The following PCDHGA1 variants were observed in gnomAD, a reference collection of about 807,000 sequenced individuals.
PCDHGA1 encodes protocadherin gamma subfamily A, 1, also known as protocadherin gamma-A1.
In PCDHGA1, 32 loss-of-function variants were observed where a neutral mutation model predicts 58.0. The observed-to-expected ratio is 0.55, with a 90% CI of 0.42 to 0.74. The LOEUF is 0.74. Among genes scored for constraint, PCDHGA1 ranks in the 30% least tolerant of loss-of-function variants. PCDHGA1 has a pLI of 0.00. For synonymous variants in PCDHGA1, 498 were observed against 501.1 expected (o/e 0.99, Z 0.08); for missense variants, 1,205 against 1,182.3 (o/e 1.02, Z -0.28).
Position 141,432,097 on chromosome 5 carries a change from C to T in PCDHGA1, c.2422-62710C>T, listed in dbSNP as rs1428283489. The stretch of plus-strand genomic sequence containing the variant: ...TCTCGCTGAACGTGGCAGACACCAA[C>T]GACAACCCGCCGGTCTTCCCTCAGG... On this transcript the variant is annotated intron_variant, in intron 1 of 3. Transcript: ENST00000517417. This position sits in a 1 kb window ranked among gnomAD's most constrained non-coding sequence, Gnocchi z 6.0. 6 of 1,614,066 alleles carry T rather than the reference C, an allele frequency of 3.7e-6. No individual in the cohort carries two copies. The highest frequency in any genetic ancestry group is 2.7e-5 in the African/African-American group (2 of 74,920).
At chr5:141,339,390 T>TA (rs1177858369) in intron 1 of PCDHGA1, 1 of 1,614,180 alleles carries the variant, frequency 6.2e-7, no homozygotes, top group South Asian at 1.1e-5. Flanking sequence ...GAACTGGAGC[T>TA]AAAAATCAGT....
At chr5:141,391,149 G>C (rs1487749660) in intron 1 of PCDHGA1, 1 of 152,032 alleles carries the variant, frequency 6.6e-6, no homozygotes, top group Non-Finnish European at 1.5e-5. Context: ...CTCTAGGAAA[G>C]AAATATAGTC....
rs1414952952 is a variant in PCDHGA1 at position 141,344,292 on chromosome 5, G to C, written c.2421+11187G>C. The C allele has an allele frequency of 1.2e-6, 2 of 1,614,092 alleles. No individual in the cohort carries two copies. Among genetic ancestry groups the C allele is most frequent in the East Asian group, 4.5e-5 (2 of 44,882 alleles). ...TCCGCAAAGCGGCAGCTTGGTCACCGCGGAGAGGATAGACCGGGAGGAGCT... is the reference window on the plus strand; with the variant it reads ...TCCGCAAAGCGGCAGCTTGGTCACCCCGGAGAGGATAGACCGGGAGGAGCT... On this transcript the variant is annotated intron_variant, in intron 1 of 3. Coordinates refer to ENST00000517417, the MANE Select transcript of PCDHGA1 (RefSeq NM_018912.3).
intron 1 of PCDHGA1, chr5:141,376,018 C>T (rs761668305): frequency 9.9e-6 from 16 of 1,613,312 alleles, no homozygotes; most frequent in Admixed American, 5.0e-5. Flanking sequence ...TAGTGGTGGC[C>T]GTCCAGGACC....
At chr5:141,357,490 C>T in intron 1 of PCDHGA1, 1 of 1,614,218 alleles carries the variant, frequency 6.2e-7, no homozygotes, top group Non-Finnish European at 8.5e-7. Flanking sequence ...CGCGGACTCG[C>T]GGAAGAGTCA....
At position 141,375,721 on chromosome 5, in the gene PCDHGA1, G is replaced by C. The variant is rs1194190814; in HGVS notation, c.2421+42616G>C. The stretch of plus-strand genomic sequence containing the variant: ...GGGACCCGCCTCTTAGCAGCAACGT[G>C]TCACTGAGCCTGTTTGTGCTGGACC... On this transcript the variant is annotated intron_variant, in intron 1 of 3. Transcript: ENST00000517417. The C allele has an allele frequency of 2.5e-6, 4 of 1,614,148 alleles. No homozygotes were observed. In the African/African-American group the frequency reaches 4.0e-5, roughly 16 times the overall value.
chr5:141,471,658 G>T (rs1354815239), intron 1 of PCDHGA1: 1 of 152,106 alleles, frequency 6.6e-6, no homozygotes, highest in Admixed American at 6.5e-5. Flanking sequence ...ATGTGGGGAT[G>T]CAGAAAAAAA....
chr5:141,351,502 C>T (rs754605719), intron 1 of PCDHGA1: 8 of 1,613,892 alleles, frequency 5.0e-6, no homozygotes, highest in Non-Finnish European at 6.8e-6. Flanking sequence ...CAGCAGACTA[C>T]AACGTCACAA....
intron 1 of PCDHGA1, chr5:141,362,547 T>C (rs1392126264): frequency 6.2e-7 from 1 of 1,613,406 alleles, no homozygotes; most frequent in Non-Finnish European, 8.5e-7. Context: ...CCTCAGATAC[T>C]ATTTTGAAGG....
intron 1 of PCDHGA1, chr5:141,392,656 G>T: frequency 1.3e-6 from 1 of 748,568 alleles, no homozygotes; most frequent in South Asian, 2.2e-5. Context: ...ACCCGCAGAT[G>T]CCACAAACTA....
chr5:141,375,513 T>C (rs1771538043), intron 1 of PCDHGA1: 2 of 1,614,038 alleles, frequency 1.2e-6, no homozygotes, highest in Non-Finnish European at 1.7e-6. Flanking sequence ...GTGAATGCAC[T>C]GGACCCTGAC....
At chr5:141,421,955 T>A in intron 1 of PCDHGA1, 1 of 1,612,914 alleles carries the variant, frequency 6.2e-7, no homozygotes, top group South Asian at 1.1e-5. Context: ...ATCCCAATGT[T>A]TACACAGTCC....
chr5:141,428,201 CT>C (rs1332694675), intron 1 of PCDHGA1: 1 of 1,349,696 alleles, frequency 7.4e-7, no homozygotes, highest in South Asian at 1.2e-5. Context: ...CTCTGCGCCG[CT>C]ACGCTTCACC....
chr5:141,351,909 A>T, intron 1 of PCDHGA1: 1 of 1,613,304 alleles, frequency 6.2e-7, no homozygotes, highest in Non-Finnish European at 8.5e-7. Flanking sequence ...TTGGTGGGCG[A>T]CCTCAATGAC....
intron 1 of PCDHGA1, chr5:141,403,564 G>A (rs2094422320): frequency 2.5e-6 from 4 of 1,613,834 alleles, no homozygotes; most frequent in Non-Finnish European, 2.5e-6. Context: ...ACAGGGAGGA[G>A]GCAACTGCCC....
In PCDHGA1 at chr5:141,486,184, A is replaced by G. The variant is rs2099625756; in HGVS notation, c.2422-8623A>G. 8 of 1,614,014 alleles carry G rather than the reference A, an allele frequency of 5.0e-6. No homozygotes were observed. Among genetic ancestry groups the G allele is most frequent in the Non-Finnish European group, 6.8e-6 (8 of 1,180,026 alleles). On this transcript the variant is annotated intron_variant, in intron 1 of 3. Transcript: ENST00000517417. This position sits in a 1 kb window ranked among gnomAD's most constrained non-coding sequence, Gnocchi z 5.0. ...CCATGGAGCAACATTGCAGCCTTCG[A>G]GTGGATCTGCTGGACGTAAATGACA...
At chr5:141,350,936 TGGATCCGAGTTAC>T (rs1561498840) in intron 1 of PCDHGA1, 1 of 1,614,102 alleles carries the variant, frequency 6.2e-7, no homozygotes, top group Non-Finnish European at 8.5e-7. Flanking sequence ...CACCCATATC[TGGATCCGAGTTAC>T]GGATGCCAAT....
In PCDHGA1 at chr5:141,394,525, G is replaced by T; in HGVS notation, c.2421+61420G>T. ...CTGTACCCCGCCCTCCCCACAGACG[G>T]TTCCACTGGCGTGGAGCTGGCGCCC... On this transcript the variant is annotated intron_variant, in intron 1 of 3. Coordinates refer to ENST00000517417, the MANE Select transcript of PCDHGA1 (RefSeq NM_018912.3). 3 of 1,614,228 alleles carry T rather than the reference G, an allele frequency of 1.9e-6. No homozygotes were observed. The East Asian group carries it at 6.7e-5, about 36-fold the overall frequency.
At position 141,419,169 on chromosome 5, in the gene PCDHGA1, C is replaced by T. The variant is rs746258255; in HGVS notation, c.2422-75638C>T. 73 of 1,613,970 alleles carry T rather than the reference C, an allele frequency of 4.5e-5. No homozygotes were observed. The highest frequency in any genetic ancestry group is 3.3e-4 in the Middle Eastern group (2 of 6,062). The stretch of plus-strand genomic sequence containing the variant: ...AAGCCTCCGTTATCCTCCAGCAAAA[C>T]CATAACCCTGCACATTACTGACGTC... On this transcript the variant is annotated intron_variant, in intron 1 of 3. Coordinates refer to ENST00000517417, the MANE Select transcript of PCDHGA1 (RefSeq NM_018912.3).
Sources: allele counts gnomAD v4.1 joint callset, GRCh38; gene constraint gnomAD v4.1.1; non-coding constraint Gnocchi (gnomAD v3.1); transcripts MANE v1.5; gene names NCBI Gene and HGNC (gene_info 2026-07-23, HGNC 2026-07-21).